LSAMP: variants seen among roughly 807,000 people sequenced by gnomAD.
LSAMP encodes limbic system-associated membrane protein.
A neutral mutation model predicts 38.6 loss-of-function variants in LSAMP; 7 were observed. The ratio of observed to expected loss-of-function variants is 0.18; its 90% confidence interval spans 0.10 to 0.34. The LOEUF (loss-of-function observed/expected upper bound fraction) is 0.34, where lower values mean the gene tolerates loss of function less well. LSAMP is among the 10% of genes least tolerant of loss of function. The pLI is 1.00. For synonymous variants in LSAMP, 154 were observed against 166.8 expected, an observed-to-expected ratio of 0.92 and a Z score of 0.59; for missense variants, 313 against 420.0, an observed-to-expected ratio of 0.75 and a Z score of 2.23.
chr3:115,904,389 G>C (rs1348158697), intron 3 of LSAMP, among the ~76,000 whole-genome samples: 5 of 152,014 alleles, frequency 3.3e-5, no homozygotes, highest in Admixed American at 1.3e-4. Flanking sequence ...AATTGATCTA[G>C]TGGATACAAA....
At chr3:116,069,200 T>C (rs1707537426) in intron 2 of LSAMP, among the ~76,000 whole-genome samples, 1 of 152,204 alleles carries the variant, frequency 6.6e-6, no homozygotes, top group South Asian at 2.1e-4. Flanking sequence ...TTGTTTTCTA[T>C]CTGCCCCTTC....
intron 1 of LSAMP, among the ~76,000 whole-genome samples, chr3:116,410,141 T>C (rs13061377): frequency 6.6e-6 from 1 of 152,102 alleles, no homozygotes; most frequent in East Asian, 1.9e-4. Flanking sequence ...ATTTCTGCTG[T>C]TTTTCGTAAA....
At chr3:116,408,375 A>G (rs2048926166) in intron 1 of LSAMP, among the ~76,000 whole-genome samples, 1 of 152,106 alleles carries the variant, frequency 6.6e-6, no homozygotes, top group Non-Finnish European at 1.5e-5. Context: ...TTTATTTGAA[A>G]TTGACAAATC....
chr3:116,313,180 C>T (rs553853266), intron 1 of LSAMP, among the ~76,000 whole-genome samples: 2 of 152,302 alleles, frequency 1.3e-5, no homozygotes, highest in South Asian at 2.1e-4. Flanking sequence ...CATACTATTC[C>T]ATGACTTTCT....
At chr3:116,271,566 T>C (rs963773803) in intron 1 of LSAMP, among the ~76,000 whole-genome samples, 12 of 152,146 alleles carry the variant, frequency 7.9e-5, no homozygotes, top group African/African-American at 2.4e-5. Context: ...ATAACAAAAC[T>C]GGATTTTGTT....
chr3:116,128,539 C>A (rs1709056750), intron 1 of LSAMP, among the ~76,000 whole-genome samples: 1 of 152,146 alleles, frequency 6.6e-6, no homozygotes, highest in Non-Finnish European at 1.5e-5. Flanking sequence ...GTAATGGCTC[C>A]CATAATTGCA....
chr3:115,815,012 T>C (rs1309546421), intron 6 of LSAMP, among the ~76,000 whole-genome samples: 1 of 152,212 alleles, frequency 6.6e-6, no homozygotes, highest in African/African-American at 2.4e-5. Flanking sequence ...TCTGGGTGAA[T>C]GAACTGGGGA....
At chr3:116,276,684 G>GAA (rs200897808) in intron 1 of LSAMP, among the ~76,000 whole-genome samples, 4 of 106,816 alleles carry the variant, frequency 3.7e-5, no homozygotes, top group African/African-American at 9.9e-5. Context: ...TAAAAAAAAA[G>GAA]AAAAAAAAAA....
At chr3:116,102,009 G>C (rs1317865662) in intron 1 of LSAMP, among the ~76,000 whole-genome samples, 1 of 152,084 alleles carries the variant, frequency 6.6e-6, no homozygotes, top group Non-Finnish European at 1.5e-5. Context: ...TATTGAAGCA[G>C]GTTAATTTGG....
chr3:116,403,821 A>G (rs1037853561), intron 1 of LSAMP, among the ~76,000 whole-genome samples: 4 of 151,762 alleles, frequency 2.6e-5, no homozygotes, highest in Non-Finnish European at 5.9e-5. Context: ...GGGTGATCAT[A>G]GCTCCTGCAG....
At chr3:116,060,162 T>C (rs1476325216) in intron 2 of LSAMP, among the ~76,000 whole-genome samples, 3 of 151,732 alleles carry the variant, frequency 2.0e-5, no homozygotes, top group African/African-American at 7.3e-5. Context: ...ATTTCTCCTC[T>C]TCCCCCTCTC....
chr3:116,264,257 A>G (rs966302720), intron 1 of LSAMP, among the ~76,000 whole-genome samples: 3 of 152,204 alleles, frequency 2.0e-5, no homozygotes, highest in African/African-American at 7.2e-5. Flanking sequence ...GAGATAAAAA[A>G]GCTCTCCCTC....
intron 1 of LSAMP, among the ~76,000 whole-genome samples, chr3:116,407,432 A>G (rs1234806938): frequency 6.6e-6 from 1 of 152,076 alleles, no homozygotes; most frequent in Admixed American, 6.6e-5. Flanking sequence ...GATTCTCAAT[A>G]GTAGTAAGGT....
At chr3:116,098,086 G>C (rs1184994826) in intron 1 of LSAMP, among the ~76,000 whole-genome samples, 1 of 152,114 alleles carries the variant, frequency 6.6e-6, no homozygotes, top group Admixed American at 6.5e-5. Flanking sequence ...TGAAATAGGG[G>C]ACTCCAGTAG....
chr3:116,272,415 T>C (rs2107671719), intron 1 of LSAMP, among the ~76,000 whole-genome samples: 1 of 152,296 alleles, frequency 6.6e-6, no homozygotes, highest in Admixed American at 6.5e-5. Flanking sequence ...CTTATTGCAC[T>C]TATCGAAGCA....
chr3:116,081,329 C>G (rs2107409996), intron 2 of LSAMP, among the ~76,000 whole-genome samples: 1 of 152,074 alleles, frequency 6.6e-6, no homozygotes, highest in East Asian at 1.9e-4. Flanking sequence ...TGGCACGCGC[C>G]TGTAGTCCCA....
chr3:116,434,235 T>A (rs2049317791), intron 1 of LSAMP, among the ~76,000 whole-genome samples: 2 of 152,216 alleles, frequency 1.3e-5, no homozygotes, highest in Non-Finnish European at 1.5e-5. Context: ...TTAGTCAGCT[T>A]GATTTATAGT....
At chr3:115,855,215 C>G (rs1935468989) in intron 3 of LSAMP, among the ~76,000 whole-genome samples, 1 of 152,164 alleles carries the variant, frequency 6.6e-6, no homozygotes, top group Non-Finnish European at 1.5e-5. Context: ...TTATTTTTAG[C>G]TGCGCCAACT....
chr3:116,329,431 T>C (rs1451943048), intron 1 of LSAMP, among the ~76,000 whole-genome samples: 2 of 152,144 alleles, frequency 1.3e-5, no homozygotes, highest in Non-Finnish European at 2.9e-5. Flanking sequence ...TTAAAGTAGT[T>C]CTCCTTTTTA....
Sources: gnomAD v4.1 joint callset for allele counts (sites outside exome capture counted in the v4.1 genomes callset) on GRCh38, gnomAD v4.1.1 for gene constraint, MANE v1.5 for transcripts, NCBI Gene and HGNC (gene_info 2026-07-23, HGNC 2026-07-21) for gene names.